DGKB: variants seen among roughly 807,000 people sequenced by gnomAD.
DGKB encodes 90 kDa diacylglycerol kinase.
A neutral mutation model predicts 114.3 loss-of-function variants in DGKB; 67 were observed. That is an observed-to-expected ratio of 0.59 (90% CI 0.48 to 0.72). The LOEUF (loss-of-function observed/expected upper bound fraction) is 0.72. Among genes scored for constraint, DGKB ranks in the 30% least tolerant of loss-of-function variants. The probability of loss-of-function intolerance (pLI) is 0.00; values close to 1 mark genes in which losing one functional copy is unlikely to be tolerated. For synonymous variants in DGKB, 398 were observed against 323.1 expected (o/e 1.23, Z -2.49); for missense variants, 907 against 975.2 (o/e 0.93, Z 0.93).
rs371238088 is a variant in DGKB, at chr7:14,338,097, A to G, written c.2122+418T>C. On this transcript the variant is annotated intron_variant, in intron 23 of 25. Transcript: ENST00000402815. ...ACAACAGCTCTGTAAAATAGCTTCA[A>G]TCTCATAGCCTGACCAAAGCAGAAA... Among the ~76,000 whole-genome samples, 103 of 152,234 alleles carry G rather than the reference A, an allele frequency of 6.8e-4. 1 individual carries two copies. The East Asian group carries it at 0.011, about 16-fold the overall frequency.
At chr7:14,422,339 TGAGA>T (rs898782643) in intron 21 of DGKB, among the ~76,000 whole-genome samples, 15 of 152,100 alleles carry the variant, frequency 9.9e-5, no homozygotes, top group Non-Finnish European at 7.4e-5. Flanking sequence ...TTGTTATTGT[TGAGA>T]TTTTTCTGTT....
chr7:14,557,189 C>T (rs1264253759), intron 20 of DGKB, among the ~76,000 whole-genome samples: 1 of 152,224 alleles, frequency 6.6e-6, no homozygotes, highest in Non-Finnish European at 1.5e-5. Context: ...TTAAGAACCA[C>T]TATCTTAGAT....
chr7:14,587,131 G>A lies in DGKB; in HGVS notation c.1434-3994C>T, dbSNP rs555653871. 7.9e-5 allele frequency among the ~76,000 whole-genome samples: 12 copies of A among 152,212 alleles called. No homozygotes were observed. The South Asian group carries it at 1.7e-3, about 21-fold the overall frequency. On this transcript the variant is annotated intron_variant, in intron 17 of 25. Transcript: ENST00000402815. Reference sequence around the variant, plus strand: ...CTCTGTAAAGGATTTAATAATCTAGGTGTCATTAAGAACATTCATAATTCA... The same window carrying A: ...CTCTGTAAAGGATTTAATAATCTAGATGTCATTAAGAACATTCATAATTCA...
chr7:14,206,829 A>T (rs144607622), intron 23 of DGKB, among the ~76,000 whole-genome samples: 81 of 152,168 alleles, frequency 5.3e-4, no homozygotes, highest in African/African-American at 1.8e-3. Context: ...TTATTGTTGC[A>T]ACTATTTTTT....
At chr7:14,370,087 G>A (rs1057428599) in intron 21 of DGKB, among the ~76,000 whole-genome samples, 16 of 152,118 alleles carry the variant, frequency 1.1e-4, no homozygotes, top group African/African-American at 3.9e-4. Flanking sequence ...TAGGTCTTAT[G>A]TTTAAGTCTT....
intron 8 of DGKB, among the ~76,000 whole-genome samples, chr7:14,697,776 G>GAA (rs781493498): frequency 0.015 from 1,474 of 100,616 alleles, 26 homozygotes; most frequent in African/African-American, 0.056. Flanking sequence ...AAGAAACAAA[G>GAA]AGAAAGAAAG....
At chr7:14,695,228 G>A (rs1823607799) in intron 8 of DGKB, among the ~76,000 whole-genome samples, 1 of 152,044 alleles carries the variant, frequency 6.6e-6, no homozygotes, top group African/African-American at 2.4e-5. Context: ...AGAGCTTGCT[G>A]ATGAATTAGT....
At chr7:14,704,228 G>A (rs1303444410) in intron 6 of DGKB, among the ~76,000 whole-genome samples, 5 of 148,226 alleles carry the variant, frequency 3.4e-5, no homozygotes, top group Non-Finnish European at 7.4e-5. Context: ...GAGGTCAGGA[G>A]ATCGAGACCA....
At chr7:14,847,698 A>G (rs1848828029) in intron 1 of DGKB, among the ~76,000 whole-genome samples, 1 of 152,236 alleles carries the variant, frequency 6.6e-6, no homozygotes, top group African/African-American at 2.4e-5. Flanking sequence ...TTATATGAAA[A>G]AAGGCAACAA....
chr7:14,662,659 G>C (rs1278337850), intron 13 of DGKB, among the ~76,000 whole-genome samples: 1 of 151,660 alleles, frequency 6.6e-6, no homozygotes, highest in Non-Finnish European at 1.5e-5. Context: ...ATGTCCCATA[G>C]TATATGGAAA....
chr7:14,948,146 A>C (rs549089716), intron 1 of DGKB, among the ~76,000 whole-genome samples: 1 of 151,976 alleles, frequency 6.6e-6, no homozygotes, highest in Non-Finnish European at 1.5e-5. Flanking sequence ...ATTCAGGAGC[A>C]AGAATGTAAC....
At chr7:14,317,182 T>G (rs1243992801) in intron 23 of DGKB, among the ~76,000 whole-genome samples, 1 of 74,532 alleles carries the variant, frequency 1.3e-5, no homozygotes, top group Non-Finnish European at 2.7e-5. Flanking sequence ...AATATCATAC[T>G]GAATGGGCAA....
chr7:14,662,271 GT>G (rs1258951041), intron 13 of DGKB, among the ~76,000 whole-genome samples: 2 of 147,082 alleles, frequency 1.4e-5, no homozygotes, highest in African/African-American at 5.4e-5. Context: ...TAGAAATCCA[GT>G]TTAAAAAAAA....
intron 21 of DGKB, among the ~76,000 whole-genome samples, chr7:14,357,358 C>T (rs1814766508): frequency 6.6e-6 from 1 of 152,166 alleles, no homozygotes; most frequent in Non-Finnish European, 1.5e-5. Flanking sequence ...TAATGGCCTT[C>T]TTTGTCTCTT....
At chr7:14,850,093 T>C (rs1849149596) in intron 1 of DGKB, among the ~76,000 whole-genome samples, 1 of 152,188 alleles carries the variant, frequency 6.6e-6, no homozygotes, top group African/African-American at 2.4e-5. Flanking sequence ...AAGGAGAGAC[T>C]AGAAGACACT....
At chr7:14,819,620 T>C (rs1009110341) in intron 2 of DGKB, among the ~76,000 whole-genome samples, 4 of 151,952 alleles carry the variant, frequency 2.6e-5, no homozygotes, top group African/African-American at 9.7e-5. Context: ...ATAATAATAA[T>C]TGCTAGTACT....
At chr7:14,866,583 G>C (rs1851743773) in intron 1 of DGKB, among the ~76,000 whole-genome samples, 1 of 151,962 alleles carries the variant, frequency 6.6e-6, no homozygotes. Context: ...TTTTAGCACT[G>C]AATAATATTC....
intron 25 of DGKB, among the ~76,000 whole-genome samples, chr7:14,167,478 T>A (rs924504761): frequency 1.3e-5 from 2 of 151,942 alleles, no homozygotes; most frequent in Admixed American, 1.3e-4. Context: ...AGAAACAATA[T>A]GAGAGCCCTG....
At position 14,468,929 on chromosome 7, in the gene DGKB, G is replaced by A. The variant is rs146536160; in HGVS notation, c.1835+9232C>T. ...AGTAATAATACAAACCCTAGGAATC[G>A]AAAGGCAAAATCAAGGGGAAAATAT... On this transcript the variant is annotated intron_variant, in intron 21 of 25. Coordinates refer to ENST00000402815, the MANE Select transcript of DGKB (RefSeq NM_001350709.2). Among the ~76,000 whole-genome samples the A allele has an allele frequency of 1.2e-3, 190 of 152,030 alleles. 1 individual carries two copies. Among genetic ancestry groups the A allele is most frequent in the African/African-American group, 4.3e-3 (179 of 41,508 alleles).
Sources: gnomAD v4.1 joint callset for allele counts (sites outside exome capture counted in the v4.1 genomes callset) on GRCh38, gnomAD v4.1.1 for gene constraint, MANE v1.5 for transcripts, NCBI Gene and HGNC (gene_info 2026-07-23, HGNC 2026-07-21) for gene names.